The following NR1H3 variants were observed in gnomAD, a reference collection of about 807,000 sequenced individuals.
NR1H3 encodes oxysterols receptor LXR-alpha.
Under a neutral mutation model 48.1 loss-of-function variants are expected in NR1H3, and 19 were observed. The ratio of observed to expected loss-of-function variants is 0.40; its 90% CI spans 0.28 to 0.58. The LOEUF (loss-of-function observed/expected upper bound fraction) is 0.58. NR1H3 is among the 20% of genes least tolerant of loss of function. The probability of loss-of-function intolerance (pLI) is 0.50; values close to 1 mark genes in which losing one functional copy is unlikely to be tolerated. For missense variants in NR1H3, 486 were observed against 595.9 expected, an observed-to-expected ratio of 0.82 and a Z score of 1.92; for synonymous variants, 232 against 227.3, an observed-to-expected ratio of 1.02 and a Z score of -0.19.
chr11:47,251,328 A>T (rs1254713575), intron 1 of NR1H3, among the ~76,000 whole-genome samples: 2 of 151,180 alleles, frequency 1.3e-5, no homozygotes, highest in Non-Finnish European at 3.0e-5. Flanking sequence ...ACTAAACGGG[A>T]CCTAGGCCGG....
intron 7 of NR1H3, among the ~76,000 whole-genome samples, chr11:47,263,686 T>A (rs1454603775): frequency 6.6e-6 from 1 of 151,526 alleles, no homozygotes; most frequent in African/African-American, 2.4e-5. Context: ...CACTGCAACT[T>A]CTGCCTCCCG....
In NR1H3 at chr11:47,259,148, C is replaced by G. The variant is rs983282391; in HGVS notation, c.-37-32C>G. 6.8e-6 allele frequency: 11 copies of G among 1,613,378 alleles called. No homozygotes were observed. The African/African-American group carries it at 9.3e-5, about 14-fold the overall frequency. ...GCTGAGGCCAGAAAGGAGCCCAGTT[C>G]TAGAAGAGTATAATCTGGGTCCTTC... On this transcript the variant is annotated intron_variant, in intron 1 of 9. Transcript: ENST00000441012.
upstream of NR1H3, among the ~76,000 whole-genome samples, chr11:47,255,559 T>TTC (rs1284227287): frequency 1.4e-5 from 1 of 70,518 alleles, no homozygotes; most frequent in African/African-American, 8.1e-5. Context: ...CTTTCTTTCT[T>TTC]TCTTTCTTTC....
chr11:47,258,688 C>T (rs867036547), intron 1 of NR1H3: 1 of 158,422 alleles, frequency 6.3e-6, no homozygotes, highest in South Asian at 1.8e-4. Context: ...GGAGCAGTAG[C>T]GTGCGCCCAT....
intron 1 of NR1H3, among the ~76,000 whole-genome samples, chr11:47,252,222 C>A (rs1315958416): frequency 2.0e-5 from 3 of 152,130 alleles, no homozygotes; most frequent in African/African-American, 7.2e-5. Flanking sequence ...TTTTTTCCAT[C>A]TGAAGAGGCA....
Position 47,260,074 on chromosome 11 carries a change from CT to C in NR1H3, c.232+96del, listed in dbSNP as rs2135625169. The C allele has an allele frequency of 3.5e-6, 4 of 1,139,886 alleles. No homozygotes were observed. In the East Asian group the frequency reaches 1.1e-4, roughly 31 times the overall value. 70.6% of individuals were successfully genotyped at this position (1,139,886 alleles called of 1,614,324 possible). A position where few individuals can be genotyped will look rare whatever the true frequency, so the allele number is the denominator to read the frequency against. On this transcript the variant is annotated intron_variant, in intron 3 of 9. Coordinates refer to ENST00000441012, the MANE Select transcript of NR1H3 (RefSeq NM_005693.4). ...TGGGGGTTTTTACTTTATATATAAT[CT>C]CATGGTTAAGTTCAGAGGCTTTAGA...
chr11:47,255,825 A>G (rs1190555500), upstream of NR1H3, among the ~76,000 whole-genome samples: 2 of 150,190 alleles, frequency 1.3e-5, no homozygotes, highest in African/African-American at 4.9e-5. Flanking sequence ...GCATCATCAC[A>G]CCCGGCTAAT....
At chr11:47,250,282 C>T (rs1954532711) in intron 1 of NR1H3, among the ~76,000 whole-genome samples, 1 of 152,104 alleles carries the variant, frequency 6.6e-6, no homozygotes, top group South Asian at 2.1e-4. Context: ...TGGTGGCACA[C>T]ACCTGTGGTC....
At chr11:47,255,563 T>TTC (rs1955028687), upstream of NR1H3, among the ~76,000 whole-genome samples, 21 of 75,324 alleles carry the variant, frequency 2.8e-4, 1 homozygote, top group South Asian at 0.012. Flanking sequence ...CTTTCTTTCT[T>TTC]TCTTTCTTTC....
upstream of NR1H3, among the ~76,000 whole-genome samples, chr11:47,253,134 C>CGTGTGTGTGTGTGTGTGTGTGTGTGCGT (rs60982687): frequency 6.8e-6 from 1 of 147,654 alleles, no homozygotes; most frequent in African/African-American, 2.5e-5. Context: ...AATTTTTGTG[C>CGTGTGTGTGTGTGTGTGTGTGTGTGCGT]GTGTGTGTGT....
At position 47,259,736 on chromosome 11, in the gene NR1H3, C is replaced by T. The variant is rs564882052; in HGVS notation, c.44-55C>T. On this transcript the variant is annotated intron_variant, in intron 2 of 9. Transcript: ENST00000441012. Reference sequence around the variant, plus strand: ...GCAGTTTCCCAGCTAGGACGCTGGGCCGTGGAGCCGGGATGGGGCCTGAGA... The same window carrying T: ...GCAGTTTCCCAGCTAGGACGCTGGGTCGTGGAGCCGGGATGGGGCCTGAGA... 16 of 1,607,286 alleles carry T rather than the reference C, an allele frequency of 1.0e-5. No individual in the cohort carries two copies. In the African/African-American group the frequency reaches 2.1e-4, roughly 21 times the overall value.
intron 7 of NR1H3, among the ~76,000 whole-genome samples, chr11:47,267,480 T>C (rs1042995128): frequency 2.6e-5 from 4 of 152,060 alleles, no homozygotes; most frequent in African/African-American, 9.7e-5. Context: ...GGTTAAGACA[T>C]TTGCTCAAGG....
Position 47,268,310 on chromosome 11 carries a change from A to G in NR1H3, c.1152A>G (p.Thr384=), listed in dbSNP as rs758338585. ...DQLQVERLQH[T]YVEALHAYVS... is the part of the protein sequence containing the mutation. ...TCCAGGTAGAGAGGCTGCAGCACACATATGTGGAAGCCCTGCATGCCTACG... is the reference window on the plus strand; with the variant it reads ...TCCAGGTAGAGAGGCTGCAGCACACGTATGTGGAAGCCCTGCATGCCTACG... The change falls in exon 9 of 10, where the codon ACA becomes ACG. Residue 384 remains threonine (T), a synonymous_variant. Coordinates refer to ENST00000441012, the MANE Select transcript of NR1H3 (RefSeq NM_005693.4). 2 of 1,613,962 alleles carry G rather than the reference A, an allele frequency of 1.2e-6. No individual in the cohort carries two copies. Among genetic ancestry groups the G allele is most frequent in the Admixed American group, 1.7e-5 (1 of 59,982 alleles).
upstream of NR1H3, among the ~76,000 whole-genome samples, chr11:47,253,796 C>T (rs141711381): frequency 2.0e-3 from 302 of 152,248 alleles, no homozygotes; most frequent in African/African-American, 7.1e-3. Context: ...GAGACATTGC[C>T]TCCTGCAGGA....
chr11:47,263,284 A>G (rs534686151), intron 7 of NR1H3, among the ~76,000 whole-genome samples: 15 of 98,888 alleles, frequency 1.5e-4, no homozygotes, highest in Non-Finnish European at 2.5e-4. Flanking sequence ...TTTTTTTTTG[A>G]GATAAGTTCT....
At chr11:47,249,928 C>A (rs1332547674) in intron 1 of NR1H3, among the ~76,000 whole-genome samples, 1 of 141,246 alleles carries the variant, frequency 7.1e-6, no homozygotes, top group Non-Finnish European at 1.5e-5. Flanking sequence ...CCCGTCTCTA[C>A]TAAAAATACA....
In NR1H3 at chr11:47,262,328, A is replaced by C. The variant is rs1034392871; in HGVS notation, c.988+310A>C. ...TGGGAGGCAGAGGTTGTAGTGAGCC[A>C]AGATCGCACCACTGCACTCCAGCCT... On this transcript the variant is annotated intron_variant, in intron 7 of 9. Coordinates refer to ENST00000441012, the MANE Select transcript of NR1H3 (RefSeq NM_005693.4). Among the ~76,000 whole-genome samples, 15 of 147,572 alleles carry C rather than the reference A, an allele frequency of 1.0e-4. No homozygotes were observed. In the Admixed American group the frequency reaches 1.0e-3, roughly 10 times the overall value.
intron 1 of NR1H3, 197 bp downstream of exon 1, chr11:47,258,326 A>C: frequency 9.5e-6 from 4 of 419,286 alleles, no homozygotes; most frequent in Non-Finnish European, 1.3e-5. Context: ...CTCTATGTGA[A>C]TTGGGGAGAT....
chr11:47,263,749 C>T (rs533145133), intron 7 of NR1H3, among the ~76,000 whole-genome samples: 3 of 151,974 alleles, frequency 2.0e-5, no homozygotes, highest in South Asian at 2.1e-4. Flanking sequence ...ACTACAGGCG[C>T]GCGCCACTAC....
Sources: allele counts gnomAD v4.1 joint callset (sites outside exome capture counted in the v4.1 genomes callset), GRCh38; gene constraint gnomAD v4.1.1; transcripts MANE v1.5; gene names NCBI Gene and HGNC (gene_info 2026-07-23, HGNC 2026-07-21).